Variants in ZNF732 observed in about 807,000 individuals in gnomAD.
The protein encoded by ZNF732 is zinc finger protein 732, also known as zinc finger protein LOC654254.
A neutral mutation model predicts 11.5 loss-of-function variants in ZNF732; 12 were observed. That is an observed-to-expected ratio of 1.05 (90% CI 0.67 to 1.70). The LOEUF (loss-of-function observed/expected upper bound fraction) is 1.70. ZNF732 is among the 40% of genes most tolerant of loss of function. ZNF732 has a pLI of 0.00. For synonymous variants in ZNF732, 231 were observed against 236.5 expected (o/e 0.98, Z 0.21); for missense variants, 702 against 676.9 (o/e 1.04, Z -0.41).
At chr4:288,356 C>G (rs1553840916) in intron 3 of ZNF732, among the ~76,000 whole-genome samples, 2 of 152,118 alleles carry the variant, frequency 1.3e-5, no homozygotes, top group African/African-American at 4.8e-5. Flanking sequence ...ATATTTTCTT[C>G]TAAAAATTGT....
chr4:298,135 T>A (rs1284814196), intron 1 of ZNF732, among the ~76,000 whole-genome samples: 3 of 152,162 alleles, frequency 2.0e-5, no homozygotes, highest in Non-Finnish European at 4.4e-5. Context: ...GTAAAGACAA[T>A]ACAACTTCTC....
At position 270,871 on chromosome 4, in the gene ZNF732, AT is replaced by A; in HGVS notation, c.*227del. Reference sequence around the variant, plus strand: ...TTTGTAGGGTTGCTCTCCAGCATCAATTTTCTTATGTTGATTCAGGTATGCG... The same window carrying A: ...TTTGTAGGGTTGCTCTCCAGCATCAATTTCTTATGTTGATTCAGGTATGCG... On this transcript the variant is annotated 3_prime_UTR_variant, in exon 4 of 4. Coordinates refer to ENST00000419098, the MANE Select transcript of ZNF732 (RefSeq NM_001137608.3). 1 of 713,162 alleles carries A rather than the reference AT, an allele frequency of 1.4e-6. No homozygotes were observed. The highest frequency in any genetic ancestry group is 2.6e-6 in the Non-Finnish European group (1 of 387,102). 44.2% of individuals were successfully genotyped at this position (713,162 alleles called of 1,614,324 possible). A position where few individuals can be genotyped will look rare whatever the true frequency, so the allele number is the denominator to read the frequency against.
chr4:298,120 G>A (rs1223304914), intron 1 of ZNF732, among the ~76,000 whole-genome samples: 1 of 152,036 alleles, frequency 6.6e-6, no homozygotes, highest in African/African-American at 2.4e-5. Flanking sequence ...TTTATTCTTA[G>A]CAAGGTAAAG....
At chr4:293,406 G>T (rs1049760890) in intron 3 of ZNF732, among the ~76,000 whole-genome samples, 12 of 151,520 alleles carry the variant, frequency 7.9e-5, no homozygotes, top group African/African-American at 2.9e-4. Flanking sequence ...TGGAGGAAAT[G>T]ATGCTAAATG....
chr4:305,362 C>A lies in ZNF732; in HGVS notation c.-52G>T. ...TCTCAGCTACGAATCATCCAATACC[C>A]GCAGGTCACAGAGCGACGGAGGCTG... On this transcript the variant is annotated 5_prime_UTR_variant, in exon 1 of 4. Coordinates refer to ENST00000419098, the MANE Select transcript of ZNF732 (RefSeq NM_001137608.3). 6.2e-7 allele frequency: 1 copy of A among 1,605,836 alleles called. No individual in the cohort carries two copies. The highest frequency in any genetic ancestry group is 2.2e-5 in the East Asian group (1 of 44,756).
chr4:275,134 G>GATAGACTACATGTATAT (rs1389214369), intron 3 of ZNF732, among the ~76,000 whole-genome samples: 1 of 151,448 alleles, frequency 6.6e-6, no homozygotes, highest in East Asian at 1.9e-4. Flanking sequence ...TATTCTCCTT[G>GATAGACTACATGTATAT]ATAGACTACA....
At chr4:303,286 C>A (rs1262855379) in intron 1 of ZNF732, among the ~76,000 whole-genome samples, 4 of 152,164 alleles carry the variant, frequency 2.6e-5, no homozygotes, top group Non-Finnish European at 2.9e-5. Flanking sequence ...CTTCTTCGGG[C>A]CGAGAGAACT....
At chr4:297,604 T>C (rs1397111482) in intron 1 of ZNF732, among the ~76,000 whole-genome samples, 1 of 87,452 alleles carries the variant, frequency 1.1e-5, no homozygotes, top group Non-Finnish European at 2.1e-5. Context: ...TATTTAAGAT[T>C]TGTAAAAAAA....
At position 285,213 on chromosome 4, in the gene ZNF732, G is replaced by T. The variant is rs373135394; in HGVS notation, c.226+10225C>A. ...AAAAAAATGCAGAATAAGAAAAGAT[G>T]TTATCAAGAACCCAAGAGTGAGGGT... On this transcript the variant is annotated intron_variant, in intron 3 of 3. Transcript: ENST00000419098. Among the ~76,000 whole-genome samples, 13 of 152,204 alleles carry T rather than the reference G, an allele frequency of 8.5e-5. No homozygotes were observed. In the South Asian group the frequency reaches 2.1e-3, roughly 24 times the overall value.
At chr4:301,885 A>G (rs1720125625) in intron 1 of ZNF732, among the ~76,000 whole-genome samples, 1 of 152,160 alleles carries the variant, frequency 6.6e-6, no homozygotes. Flanking sequence ...ATATAGACAG[A>G]TAGATATAAA....
rs1560165091 is a variant in ZNF732, at chr4:299,405, A to ATATATATACACATATGTACACATATGTG, written c.4-3251_4-3250insCACATATGTGTACATATGTGTATATATA. On this transcript the variant is annotated intron_variant, in intron 1 of 3. Coordinates refer to ENST00000419098, the MANE Select transcript of ZNF732 (RefSeq NM_001137608.3). ...TATACACATATGTACACATATGTGTATATATATATACACATATATACACAT... is the reference window on the plus strand; with the variant it reads ...TATACACATATGTACACATATGTGTATATATATACACATATGTACACATATGTGTATATATATACACATATATACACAT... 7.1e-3 allele frequency among the ~76,000 whole-genome samples: 40 copies of ATATATATACACATATGTACACATATGTG among 5,616 alleles called. 1 individual carries two copies. Among genetic ancestry groups the ATATATATACACATATGTACACATATGTG allele is most frequent in the Non-Finnish European group, 9.4e-3 (13 of 1,390 alleles). The allele number at this position is 5,616 out of a possible 152,430, so 3.7% of individuals were successfully genotyped here.
chr4:273,001 G>A (rs751904713), intron 3 of ZNF732, among the ~76,000 whole-genome samples: 12 of 151,952 alleles, frequency 7.9e-5, no homozygotes, highest in Non-Finnish European at 1.3e-4. Flanking sequence ...ATACTGACAC[G>A]TATCCTTACT....
At chr4:292,768 C>T (rs1010693803) in intron 3 of ZNF732, among the ~76,000 whole-genome samples, 3 of 150,700 alleles carry the variant, frequency 2.0e-5, no homozygotes, top group South Asian at 2.1e-4. Flanking sequence ...ATAAAAAGGC[C>T]GGGCGCAGTG....
Position 272,475 on chromosome 4 carries a change from C to G in ZNF732, c.382G>C (p.Glu128Gln). Residue 128 changes from glutamate (E) to glutamine (Q), a missense_variant, in exon 4 of 4, where the codon GAA (glutamate) becomes CAA (glutamine). Transcript: ENST00000419098. ...ATAGTTGACAAGCATTGATTAAATT[C>G]ATTATAACCTCCTTTCTGCACCTTC... ...KRKVQKGGYN[E>Q]FNQCLSTIQS... 1 of 1,602,204 alleles carries G rather than the reference C, an allele frequency of 6.2e-7. No individual in the cohort carries two copies. The highest frequency in any genetic ancestry group is 1.7e-5 in the Admixed American group (1 of 57,946).
At chr4:272,954 T>C (rs1719420470) in intron 3 of ZNF732, among the ~76,000 whole-genome samples, 1 of 152,124 alleles carries the variant, frequency 6.6e-6, no homozygotes, top group Non-Finnish European at 1.5e-5. Flanking sequence ...AGAAGTAAAC[T>C]GTCAACTCCT....
At position 272,164 on chromosome 4, in the gene ZNF732, G is replaced by C. The variant is rs1719395058; in HGVS notation, c.693C>G (p.Ile231Met). Reference sequence around the variant, plus strand: ...TAGCAAAGTTTGAGGATGTGGTAAAGATGTTGCCACATTCTTCACATGTGA... The same window carrying C: ...TAGCAAAGTTTGAGGATGTGGTAAACATGTTGCCACATTCTTCACATGTGA... ...KPFTCEECGNIFTTSSNFAKH... is the reference protein window; with the variant it reads ...KPFTCEECGNMFTTSSNFAKH... Residue 231 changes from isoleucine to methionine, a missense_variant, in exon 4 of 4, where the codon ATC (isoleucine) becomes ATG (methionine). This residue lies in a region of ZNF732 where 596 missense variants were observed against 557.9 expected (regional missense o/e 1.07). Transcript: ENST00000419098. 6.2e-7 allele frequency: 1 copy of C among 1,613,400 alleles called. No individual in the cohort carries two copies. Among genetic ancestry groups the C allele is most frequent in the East Asian group, 2.2e-5 (1 of 44,838 alleles).
chr4:293,737 A>G (rs1719891708), intron 3 of ZNF732, among the ~76,000 whole-genome samples: 1 of 152,178 alleles, frequency 6.6e-6, no homozygotes, highest in African/African-American at 2.4e-5. Context: ...TGAGTAATAG[A>G]TGTGTTGATC....
In ZNF732 at chr4:295,512, T is replaced by C. The variant is rs377260046; in HGVS notation, c.152A>G (p.Asp51Gly). ...TCTTTGCTCCAGATAGATGACCAGG[T>C]CTGGGTTAGAGATAGCAACACCTGT... ...ISLGVAISNP[D>G]LVIYLEQRKE... The change falls in exon 3 of 4, where the codon GAC becomes GGC. Residue 51 changes from aspartate to glycine, a missense_variant. By Grantham distance (94) the Asp-to-Gly change is moderately conservative. Coordinates refer to ENST00000419098, the MANE Select transcript of ZNF732 (RefSeq NM_001137608.3). 17 of 1,612,768 alleles carry C rather than the reference T, an allele frequency of 1.1e-5. No homozygotes were observed. The African/African-American group carries it at 2.1e-4, about 20-fold the overall frequency.
rs368834992 is a variant in ZNF732 at position 277,463 on chromosome 4, AAG to A, written c.227-4835_227-4834del. 1.2e-3 allele frequency among the ~76,000 whole-genome samples: 185 copies of A among 152,192 alleles called. 1 individual carries two copies. Among genetic ancestry groups the A allele is most frequent in the African/African-American group, 4.0e-3 (168 of 41,570 alleles). On this transcript the variant is annotated intron_variant, in intron 3 of 3. Coordinates refer to ENST00000419098, the MANE Select transcript of ZNF732 (RefSeq NM_001137608.3). ...AATTTAAACATAGGCAAGAGGCCTTAAGAGACATTTTTCAAAAGAAATACAGA... is the reference window on the plus strand; with the variant it reads ...AATTTAAACATAGGCAAGAGGCCTTAAGACATTTTTCAAAAGAAATACAGA...
Sources: allele counts gnomAD v4.1 joint callset (sites outside exome capture counted in the v4.1 genomes callset), GRCh38; gene constraint gnomAD v4.1.1; regional missense constraint gnomAD v4.1.1; transcripts MANE v1.5; gene names NCBI Gene and HGNC (gene_info 2026-07-23, HGNC 2026-07-21).